Variants in MYL1 observed in about 807,000 individuals in gnomAD.
MYL1 encodes the protein myosin light chain 1/3, skeletal muscle isoform.
In MYL1, 16 loss-of-function variants were observed where a neutral mutation model predicts 21.8. The ratio of observed to expected loss-of-function variants is 0.74; its 90% CI spans 0.50 to 1.12. The LOEUF (loss-of-function observed/expected upper bound fraction) is 1.12, where lower values mean the gene tolerates loss of function less well. Among genes scored for constraint, MYL1 ranks in the 50% most tolerant of loss-of-function variants. The pLI is 0.00. For synonymous variants in MYL1, 99 were observed against 85.2 expected (o/e 1.16, Z -0.89); for missense variants, 246 against 241.0 (o/e 1.02, Z -0.14).
intron 1 of MYL1, among the ~76,000 whole-genome samples, chr2:210,303,248 C>T (rs1278439794): frequency 6.6e-6 from 1 of 152,082 alleles, no homozygotes; most frequent in Non-Finnish European, 1.5e-5. Context: ...TTTGCTGTAG[C>T]TACAGGTTTT....
chr2:210,302,897 T>C, intron 1 of MYL1: 1 of 1,247,744 alleles, frequency 8.0e-7, no homozygotes, highest in Non-Finnish European at 1.1e-6. Context: ...GGAAGCTATG[T>C]AGGTGTCTTG....
At chr2:210,302,743 T>C (rs1690282991) in intron 1 of MYL1, 1 of 1,564,190 alleles carries the variant, frequency 6.4e-7, no homozygotes, top group East Asian at 2.4e-5. Context: ...CCTACATCTG[T>C]AGCAGACAAA....
chr2:210,293,742 A>C lies in MYL1; in HGVS notation c.537T>G (p.Asn179Lys). The change falls in exon 5 of 7, where the codon AAT (asparagine) becomes AAG (lysine). Residue 179 changes from asparagine to lysine, a missense_variant. By Grantham distance (94) the Asn-to-Lys change is moderately conservative. Coordinates refer to ENST00000352451, the MANE Select transcript of MYL1 (RefSeq NM_079420.3). ...TTCTACCTTCGTAGTTGATGCAGCCATTGGAGTCTTCTTGACCTGCCATCA... is the reference window on the plus strand; with the variant it reads ...TTCTACCTTCGTAGTTGATGCAGCCCTTGGAGTCTTCTTGACCTGCCATCA... ...EALMAGQEDSNGCINYEAFVK... is the reference protein window; with the variant it reads ...EALMAGQEDSKGCINYEAFVK... The C allele has an allele frequency of 6.2e-7, 1 of 1,614,036 alleles. No individual in the cohort carries two copies. The highest frequency in any genetic ancestry group is 8.5e-7 in the Non-Finnish European group (1 of 1,179,914).
At chr2:210,302,185 GAT>G (rs143558253) in intron 2 of MYL1, among the ~76,000 whole-genome samples, 5 of 150,584 alleles carry the variant, frequency 3.3e-5, no homozygotes, top group South Asian at 2.1e-4. Context: ...ATCTTTTTGG[GAT>G]ATATATATAT....
intron 5 of MYL1, among the ~76,000 whole-genome samples, chr2:210,292,795 C>A (rs1038134329): frequency 6.6e-6 from 1 of 152,146 alleles, no homozygotes; most frequent in Admixed American, 6.5e-5. Flanking sequence ...TTTGTCTTGG[C>A]ATAAAATTCA....
At chr2:210,309,078 T>C (rs1254018654) in intron 1 of MYL1, among the ~76,000 whole-genome samples, 1 of 152,052 alleles carries the variant, frequency 6.6e-6, no homozygotes, top group African/African-American at 2.4e-5. Flanking sequence ...TTTGATGAAA[T>C]AACTTCTCTC....
chr2:210,300,856 C>A (rs1690254658), intron 2 of MYL1, among the ~76,000 whole-genome samples: 1 of 151,994 alleles, frequency 6.6e-6, no homozygotes, highest in Non-Finnish European at 1.5e-5. Flanking sequence ...CAGCCATGAA[C>A]AAAATTCTTT....
At chr2:210,303,498 T>G (rs112639082) in intron 1 of MYL1, 3 of 1,572,806 alleles carry the variant, frequency 1.9e-6, no homozygotes, top group Non-Finnish European at 2.6e-6. Context: ...ATCCTCTATC[T>G]ATTTTCTCCT....
rs141590730 is a variant in MYL1 at position 210,298,485 on chromosome 2, C to T, written c.239G>A (p.Arg80Gln). Reference sequence around the variant, plus strand: ...ATTGGTGGGATTTGTGCCCAGAGCTCGAAGGACATCACCGACCTGGCTTAA... The same window carrying T: ...ATTGGTGGGATTTGTGCCCAGAGCTTGAAGGACATCACCGACCTGGCTTAA... ...ITLSQVGDVL[R>Q]ALGTNPTNAE... Residue 80 changes from arginine (R) to glutamine (Q), a missense_variant, in exon 3 of 7, where the codon CGA becomes CAA. Physicochemically the swap from Arg to Gln is conservative, Grantham distance 43 (BLOSUM62 1). Transcript: ENST00000352451. 1,509 of 1,613,974 alleles carry T rather than the reference C, an allele frequency of 9.3e-4. 2 individuals carry two copies. The highest frequency in any genetic ancestry group is 1.2e-3 in the Non-Finnish European group (1,443 of 1,179,982).
chr2:210,309,275 A>AAACAGGAATTT (rs112799681), intron 1 of MYL1, among the ~76,000 whole-genome samples: 1 of 151,936 alleles, frequency 6.6e-6, no homozygotes, highest in East Asian at 1.9e-4. Context: ...TAATTTAGAT[A>AAACAGGAATTT]AACAAAACAT....
At chr2:210,297,032 T>TATA (rs1690184965) in intron 3 of MYL1, among the ~76,000 whole-genome samples, 1 of 148,662 alleles carries the variant, frequency 6.7e-6, no homozygotes, top group Non-Finnish European at 1.5e-5. Flanking sequence ...TATATATATA[T>TATA]ATATACATAT....
At chr2:210,302,682 T>C in intron 1 of MYL1, 167 bp from the exon 2 acceptor site, 4 of 1,528,984 alleles carry the variant, frequency 2.6e-6, no homozygotes, top group Non-Finnish European at 3.5e-6. Context: ...TAAGCCATAG[T>C]GTAACATGCC....
chr2:210,295,908 G>T (rs1240873803), intron 3 of MYL1, among the ~76,000 whole-genome samples: 3 of 151,920 alleles, frequency 2.0e-5, no homozygotes, highest in East Asian at 1.9e-4. Context: ...CATGCTCTTG[G>T]CTTTTCTACA....
intron 2 of MYL1, among the ~76,000 whole-genome samples, 157 bp downstream of exon 2, chr2:210,302,331 T>C (rs1005853322): frequency 3.3e-5 from 5 of 152,204 alleles, no homozygotes; most frequent in Non-Finnish European, 7.3e-5. Flanking sequence ...CAGATTGAGC[T>C]AATTTATATT....
At chr2:210,313,539 C>G (rs942596560) in intron 1 of MYL1, among the ~76,000 whole-genome samples, 1 of 151,928 alleles carries the variant, frequency 6.6e-6, no homozygotes, top group African/African-American at 2.4e-5. Context: ...TATCAGAAGA[C>G]CTGACATGCA....
At chr2:210,297,795 C>T (rs1433527299) in intron 3 of MYL1, among the ~76,000 whole-genome samples, 2 of 151,524 alleles carry the variant, frequency 1.3e-5, no homozygotes, top group Non-Finnish European at 3.0e-5. Context: ...TCCTTTGACA[C>T]CCTGCTTCTG....
chr2:210,295,040 G>T (rs1690151175), intron 3 of MYL1, among the ~76,000 whole-genome samples: 1 of 151,984 alleles, frequency 6.6e-6, no homozygotes, highest in African/African-American at 2.4e-5. Flanking sequence ...TGACTTCTTT[G>T]TACCTTAGAG....
At chr2:210,300,020 A>G (rs1690239914) in intron 2 of MYL1, among the ~76,000 whole-genome samples, 2 of 150,662 alleles carry the variant, frequency 1.3e-5, no homozygotes, top group Admixed American at 6.7e-5. Flanking sequence ...CTCGAATTCT[A>G]TGCAATTTGA....
At chr2:210,296,407 T>A (rs930452099) in intron 3 of MYL1, among the ~76,000 whole-genome samples, 1 of 152,208 alleles carries the variant, frequency 6.6e-6, no homozygotes, top group South Asian at 2.1e-4. Context: ...TAATTTTGTA[T>A]TCATTTACTG....
Sources: gnomAD v4.1 joint callset for allele counts (sites outside exome capture counted in the v4.1 genomes callset) on GRCh38, gnomAD v4.1.1 for gene constraint, MANE v1.5 for transcripts, NCBI Gene and HGNC (gene_info 2026-07-23, HGNC 2026-07-21) for gene names.